The following GRIN2A variants were observed in gnomAD, a reference collection of about 807,000 sequenced individuals.
GRIN2A encodes the protein glutamate receptor ionotropic, NMDA 2A.
A neutral mutation model predicts 113.4 loss-of-function variants in GRIN2A; 22 were observed. That is an observed-to-expected ratio of 0.19 (90% CI 0.14 to 0.28). The LOEUF (loss-of-function observed/expected upper bound fraction) is 0.28, where lower values mean the gene tolerates loss of function less well. Ranked by LOEUF, GRIN2A falls within the 10% of genes least tolerant of loss-of-function variation. The probability of loss-of-function intolerance (pLI) is 1.00; values close to 1 mark genes in which losing one functional copy is unlikely to be tolerated. For missense variants in GRIN2A, 1,502 were observed against 1,887.0 expected (o/e 0.80, Z 3.78); for synonymous variants, 827 against 738.4 (o/e 1.12, Z -1.94).
At chr16:9,959,991 C>G (rs2045402625) in intron 2 of GRIN2A, among the ~76,000 whole-genome samples, 1 of 152,180 alleles carries the variant, frequency 6.6e-6, no homozygotes, top group South Asian at 2.1e-4. Flanking sequence ...AAACAAAAAC[C>G]ATAGCACATA....
chr16:10,009,112 G>T (rs10500370), intron 2 of GRIN2A, among the ~76,000 whole-genome samples: 2 of 152,056 alleles, frequency 1.3e-5, no homozygotes, highest in Non-Finnish European at 2.9e-5. Flanking sequence ...CAATTTGCTG[G>T]TAAGTGACCA....
At chr16:9,782,527 G>A (rs1048289042) in intron 11 of GRIN2A, among the ~76,000 whole-genome samples, 1 of 152,192 alleles carries the variant, frequency 6.6e-6, no homozygotes, top group African/African-American at 2.4e-5. Context: ...TTTTGCACGA[G>A]CCTATGTGAC....
At chr16:10,133,758 T>C (rs2049124632) in intron 2 of GRIN2A, among the ~76,000 whole-genome samples, 1 of 152,118 alleles carries the variant, frequency 6.6e-6, no homozygotes, top group East Asian at 1.9e-4. Context: ...CCTGTAAAAC[T>C]AGAAAACGGA....
Position 9,763,225 on chromosome 16 carries a change from G to C in GRIN2A, c.4319C>G (p.Ser1440Cys), listed in dbSNP as rs752489703. The C allele has an allele frequency of 6.2e-7, 1 of 1,613,854 alleles. No homozygotes were observed. The highest frequency in any genetic ancestry group is 1.1e-5 in the South Asian group (1 of 91,070). The part of the protein sequence containing the change: ...PYAANKNNMY[S>C]TPRVLNSCSN... ...GCAGGAATTTAAAACCCTGGGGGTA[G>C]AGTACATATTATTCTTATTTGCAGC... The change falls in exon 13 of 13, where the codon TCT (serine) becomes TGT (cysteine). Residue 1440 changes from serine (S) to cysteine (C), a missense_variant. Coordinates refer to ENST00000330684, the MANE Select transcript of GRIN2A (RefSeq NM_001134407.3).
intron 10 of GRIN2A, among the ~76,000 whole-genome samples, chr16:9,813,547 T>TAAAG (rs1454341358): frequency 3.3e-5 from 5 of 151,452 alleles, no homozygotes; most frequent in Non-Finnish European, 5.9e-5. Flanking sequence ...TCTCTGAGTT[T>TAAAG]AAAGAATTAT....
intron 3 of GRIN2A, among the ~76,000 whole-genome samples, chr16:9,924,110 C>CAAAAA (rs921695456): frequency 2.7e-4 from 5 of 18,204 alleles, no homozygotes; most frequent in African/African-American, 5.3e-4. Context: ...GACTTGGTCT[C>CAAAAA]AAAAAAAAAA....
intron 2 of GRIN2A, among the ~76,000 whole-genome samples, chr16:10,085,121 G>T (rs2048061628): frequency 1.3e-5 from 2 of 152,196 alleles, no homozygotes; most frequent in East Asian, 3.8e-4. Flanking sequence ...TAGCCAGTGA[G>T]TTACAGAGTA....
chr16:10,138,108 T>A (rs57443253), intron 2 of GRIN2A, among the ~76,000 whole-genome samples: 3,610 of 152,320 alleles, frequency 0.024, 132 homozygotes, highest in African/African-American at 0.083. Flanking sequence ...CACTTTCCTC[T>A]TGGCATTAGT....
chr16:10,102,218 G>C (rs1351990188), intron 2 of GRIN2A, among the ~76,000 whole-genome samples: 5 of 152,364 alleles, frequency 3.3e-5, no homozygotes, highest in African/African-American at 1.2e-4. Flanking sequence ...GAGGCCATTA[G>C]ATCATGGGGG....
At chr16:9,884,988 C>T (rs1389814402) in intron 4 of GRIN2A, among the ~76,000 whole-genome samples, 3 of 151,894 alleles carry the variant, frequency 2.0e-5, no homozygotes, top group Admixed American at 2.0e-4. Flanking sequence ...CCACCCACCT[C>T]GGCCTCCCAA....
intron 2 of GRIN2A, among the ~76,000 whole-genome samples, chr16:10,018,130 T>C (rs955488992): frequency 6.6e-6 from 1 of 152,294 alleles, no homozygotes; most frequent in Middle Eastern, 3.4e-3. Context: ...AATCAAATGA[T>C]ATGACTTTTT....
chr16:10,068,791 G>A (rs2047696476), intron 2 of GRIN2A, among the ~76,000 whole-genome samples: 1 of 152,200 alleles, frequency 6.6e-6, no homozygotes, highest in Non-Finnish European at 1.5e-5. Context: ...CCAATCTAGG[G>A]TGATCAGGGA....
intron 3 of GRIN2A, among the ~76,000 whole-genome samples, chr16:9,898,234 A>T (rs2043847054): frequency 6.6e-6 from 1 of 151,624 alleles, no homozygotes; most frequent in South Asian, 2.1e-4. Context: ...TGCAGTTTTC[A>T]CTCTTTTTCC....
At chr16:9,993,245 A>T (rs1242455856) in intron 2 of GRIN2A, among the ~76,000 whole-genome samples, 1 of 151,888 alleles carries the variant, frequency 6.6e-6, no homozygotes, top group Non-Finnish European at 1.5e-5. Flanking sequence ...AAATAAATAA[A>T]TAAGTAAAAA....
At chr16:9,816,548 G>A (rs996945536) in intron 10 of GRIN2A, among the ~76,000 whole-genome samples, 1 of 152,106 alleles carries the variant, frequency 6.6e-6, no homozygotes, top group Non-Finnish European at 1.5e-5. Flanking sequence ...TAGGCTCTTC[G>A]GAGTTCTAGG....
intron 4 of GRIN2A, among the ~76,000 whole-genome samples, chr16:9,863,649 C>T (rs1567354727): frequency 6.6e-6 from 1 of 152,160 alleles, no homozygotes; most frequent in East Asian, 1.9e-4. Flanking sequence ...GGGGTTTCAA[C>T]CAAGAGGAAT....
At chr16:10,170,731 G>A (rs920595064) in intron 2 of GRIN2A, among the ~76,000 whole-genome samples, 1 of 151,998 alleles carries the variant, frequency 6.6e-6, no homozygotes, top group Non-Finnish European at 1.5e-5. Flanking sequence ...TTAAAAATTA[G>A]CCGGATATCA....
intron 2 of GRIN2A, among the ~76,000 whole-genome samples, chr16:9,941,991 T>A (rs1461590304): frequency 3.3e-5 from 5 of 152,188 alleles, no homozygotes; most frequent in Non-Finnish European, 7.3e-5. Flanking sequence ...CTGTTGCCAA[T>A]AATGGTGCTT....
At chr16:9,966,831 T>C (rs1481727530) in intron 2 of GRIN2A, among the ~76,000 whole-genome samples, 4 of 152,196 alleles carry the variant, frequency 2.6e-5, no homozygotes, top group African/African-American at 9.7e-5. Flanking sequence ...GTAGGATGCA[T>C]ATGGGCCTGA....
Sources: gnomAD v4.1 joint callset for allele counts (sites outside exome capture counted in the v4.1 genomes callset) on GRCh38, gnomAD v4.1.1 for gene constraint, MANE v1.5 for transcripts, NCBI Gene and HGNC (gene_info 2026-07-23, HGNC 2026-07-21) for gene names.